Variants in GLCCI1 observed in about 807,000 individuals in gnomAD.
The protein encoded by GLCCI1 is glucocorticoid-induced transcript 1 protein.
Under a neutral mutation model 52.2 loss-of-function variants are expected in GLCCI1, and 24 were observed. The ratio of observed to expected loss-of-function variants is 0.46; its 90% confidence interval spans 0.33 to 0.65. The LOEUF is 0.65. Among genes scored for constraint, GLCCI1 ranks in the 30% least tolerant of loss-of-function variants. GLCCI1 has a pLI of 0.02. For missense variants in GLCCI1, 704 were observed against 701.5 expected (o/e 1.00, Z -0.04); for synonymous variants, 310 against 276.5 (o/e 1.12, Z -1.20).
At chr7:7,980,666 AG>A in intron 1 of GLCCI1, 1 of 810,514 alleles carries the variant, frequency 1.2e-6, no homozygotes, top group Non-Finnish European at 2.1e-6. Context: ...CACAAGAAGA[AG>A]GGCACAATGT....
chr7:8,029,015 C>A (rs1781688545), intron 3 of GLCCI1, among the ~76,000 whole-genome samples: 1 of 152,138 alleles, frequency 6.6e-6, no homozygotes. Flanking sequence ...TGAATTCTAC[C>A]AAACATTTAA....
At chr7:7,988,278 T>TTTTTG (rs565331454) in intron 1 of GLCCI1, among the ~76,000 whole-genome samples, 10 of 151,804 alleles carry the variant, frequency 6.6e-5, no homozygotes, top group South Asian at 2.1e-4. Flanking sequence ...TGAGCAGAGT[T>TTTTTG]TTTTGTTTTG....
chr7:8,022,483 A>G lies in GLCCI1; in HGVS notation c.610A>G (p.Thr204Ala). Reference protein sequence around the residue: ...PSCMKDKATQTPSCWAEEGAE... With the variant: ...PSCMKDKATQAPSCWAEEGAE... ...TTATTTATATATATATTTTTTAAAG[A>G]CACCTAGCTGTTGGGCAGAAGAGGG... Residue 204 changes from threonine to alanine, a missense_variant and splice_region_variant, in exon 3 of 8, where the codon ACA (threonine) becomes GCA (alanine). Thr to Ala is a moderately conservative substitution (Grantham distance 58, BLOSUM62 0). This residue lies in a region of GLCCI1 where 547 missense variants were observed against 524.8 expected (regional missense o/e 1.04). Transcript: ENST00000223145. 6.6e-7 allele frequency: 1 copy of G among 1,525,544 alleles called. No homozygotes were observed. Among genetic ancestry groups the G allele is most frequent in the Non-Finnish European group, 8.8e-7 (1 of 1,132,370 alleles). The allele number at this position is 1,525,544 out of a possible 1,614,324, so 94.5% of individuals were successfully genotyped here.
At chr7:7,996,752 C>T (rs935570465) in intron 1 of GLCCI1, among the ~76,000 whole-genome samples, 1 of 152,166 alleles carries the variant, frequency 6.6e-6, no homozygotes, top group Admixed American at 6.5e-5. Flanking sequence ...GTTTGTTTCT[C>T]TTGTCAGCTT....
At chr7:8,019,244 A>G (rs1288700207) in intron 2 of GLCCI1, among the ~76,000 whole-genome samples, 1 of 152,224 alleles carries the variant, frequency 6.6e-6, no homozygotes, top group Admixed American at 6.5e-5. Flanking sequence ...CGGTAGCCAC[A>G]TGTGGTTATT....
At chr7:8,014,889 A>G (rs1781344924) in intron 2 of GLCCI1, among the ~76,000 whole-genome samples, 1 of 152,282 alleles carries the variant, frequency 6.6e-6, no homozygotes, top group African/African-American at 2.4e-5. Flanking sequence ...TATATTTGGT[A>G]TTTTATTGTT....
At chr7:7,975,193 T>C (rs1347234733) in intron 1 of GLCCI1, among the ~76,000 whole-genome samples, 1 of 152,216 alleles carries the variant, frequency 6.6e-6, no homozygotes, top group Non-Finnish European at 1.5e-5. Flanking sequence ...AGACAAATTA[T>C]AATGGATTAG....
chr7:8,007,334 A>G (rs1781173125), intron 2 of GLCCI1, among the ~76,000 whole-genome samples: 1 of 152,226 alleles, frequency 6.6e-6, no homozygotes, highest in East Asian at 1.9e-4. Context: ...TGTAATATGT[A>G]CTACGTACGT....
rs1327118295 is a variant in GLCCI1 at position 8,009,819 on chromosome 7, C to T, written c.609+5760C>T. Reference sequence around the variant, plus strand: ...ACCCTTTTAAACAAATTTTTGTAGGCCTTTCAGAGCATAGTATGTTATTTT... The same window carrying T: ...ACCCTTTTAAACAAATTTTTGTAGGTCTTTCAGAGCATAGTATGTTATTTT... On this transcript the variant is annotated intron_variant, in intron 2 of 7. Transcript: ENST00000223145. Among the ~76,000 whole-genome samples the T allele has an allele frequency of 2.0e-5, 3 of 151,780 alleles. No individual in the cohort carries two copies. In the East Asian group the frequency reaches 5.8e-4, roughly 29 times the overall value.
Position 8,084,971 on chromosome 7 carries a change from G to A in GLCCI1, c.1252G>A (p.Glu418Lys). 6.2e-7 allele frequency: 1 copy of A among 1,614,132 alleles called. No individual in the cohort carries two copies. The highest frequency in any genetic ancestry group is 8.5e-7 in the Non-Finnish European group (1 of 1,180,006). ...AAACAACAGCTACATGTTCAAACGG[G>A]AGCCCCCAGAGGGATGTGAGCGAGT... ...KPNNSYMFKR[E>K]PPEGCERVKV... is the part of the protein sequence containing the mutation. The change falls in exon 7 of 8, where the codon GAG (glutamate) becomes AAG (lysine). Residue 418 changes from glutamate to lysine, a missense_variant. By Grantham distance (56) the Glu-to-Lys change is moderately conservative (BLOSUM62 1). Transcript: ENST00000223145.
intron 7 of GLCCI1, among the ~76,000 whole-genome samples, chr7:8,085,591 G>A (rs1435913648): frequency 6.6e-6 from 1 of 152,162 alleles, no homozygotes; most frequent in East Asian, 1.9e-4. Flanking sequence ...CAGTGCAGGT[G>A]CCTAGTGGAG....
At chr7:8,019,883 A>G (rs7784884) in intron 2 of GLCCI1, among the ~76,000 whole-genome samples, 5,300 of 152,300 alleles carry the variant, frequency 0.035, 287 homozygotes, top group African/African-American at 0.11. Flanking sequence ...ACCTGCTCCA[A>G]TTGGGTCAGT....
chr7:8,086,813 G>C lies in GLCCI1; in HGVS notation c.*275G>C, dbSNP rs1436480352. On this transcript the variant is annotated 3_prime_UTR_variant, in exon 8 of 8. Transcript: ENST00000223145. This position sits in a 1 kb window ranked among gnomAD's most constrained non-coding sequence, Gnocchi z 4.4. ...ATTTGACAGATTAGTACTGTGTCCT[G>C]TGTTTTGTTCCAGATTCTTCAGTAT... 9.0e-6 allele frequency: 3 copies of C among 333,988 alleles called. No homozygotes were observed. The highest frequency in any genetic ancestry group is 4.2e-5 in the African/African-American group (2 of 47,424). The allele number at this position is 333,988 out of a possible 1,614,324, so 20.7% of individuals were successfully genotyped here.
Position 7,969,173 on chromosome 7 carries a change from A to C in GLCCI1, c.-178A>C. 1 of 506,716 alleles carries C rather than the reference A, an allele frequency of 2.0e-6. No individual in the cohort carries two copies. The highest frequency in any genetic ancestry group is 2.7e-6 in the Non-Finnish European group (1 of 369,822). The allele number at this position is 506,716 out of a possible 1,614,324, so 31.4% of individuals were successfully genotyped here. On this transcript the variant is annotated 5_prime_UTR_variant, in exon 1 of 8. Coordinates refer to ENST00000223145, the MANE Select transcript of GLCCI1 (RefSeq NM_138426.4). The surrounding 1 kb of genome is among the most constrained non-coding windows in gnomAD (Gnocchi z 4.9). ...GCAGCCTTCCCCTCCCCCCTCGCCG[A>C]GGCGGCGGGGGTGTGCGTTGGGGAG... is the stretch of plus-strand genomic sequence containing the variant.
chr7:7,969,839 C>T lies in GLCCI1; in HGVS notation c.457+32C>T, dbSNP rs752800143. On this transcript the variant is annotated intron_variant, in intron 1 of 7. Coordinates refer to ENST00000223145, the MANE Select transcript of GLCCI1 (RefSeq NM_138426.4). This position sits in a 1 kb window ranked among gnomAD's most constrained non-coding sequence, Gnocchi z 4.9. The stretch of plus-strand genomic sequence containing the variant: ...AGCCCAACCCTCCCGTCCTCCCGGG[C>T]TGCGTCTCCCCGACGGTGCCCTCCG... 58 of 1,388,462 alleles carry T rather than the reference C, an allele frequency of 4.2e-5. No homozygotes were observed. In the African/African-American group the frequency reaches 8.5e-4, roughly 20 times the overall value. 86.0% of individuals were successfully genotyped at this position (1,388,462 alleles called of 1,614,324 possible).
chr7:8,040,525 AACACACACACAC>A (rs58561376), intron 3 of GLCCI1, among the ~76,000 whole-genome samples: 5 of 145,208 alleles, frequency 3.4e-5, no homozygotes, highest in Non-Finnish European at 7.5e-5. Context: ...AGATATAATT[AACACACACACAC>A]ACACACACAC....
chr7:8,013,992 T>TG (rs34069088), intron 2 of GLCCI1, among the ~76,000 whole-genome samples: 3 of 21,966 alleles, frequency 1.4e-4, no homozygotes, highest in African/African-American at 8.5e-4. Flanking sequence ...AGGCCTTGAC[T>TG]TTTTTTTTTT....
intron 3 of GLCCI1, among the ~76,000 whole-genome samples, chr7:8,028,829 A>T (rs1210212628): frequency 1.3e-5 from 2 of 152,200 alleles, no homozygotes; most frequent in Non-Finnish European, 2.9e-5. Flanking sequence ...GAACAACTAT[A>T]TGCCAATAAA....
At chr7:7,971,276 A>G (rs1029747030) in intron 1 of GLCCI1, among the ~76,000 whole-genome samples, 3 of 152,248 alleles carry the variant, frequency 2.0e-5, no homozygotes, top group African/African-American at 4.8e-5. Flanking sequence ...GATCGCCCTA[A>G]TAATGACCAC....
Sources: gnomAD v4.1 joint callset for allele counts (sites outside exome capture counted in the v4.1 genomes callset) on GRCh38, gnomAD v4.1.1 for gene constraint, gnomAD v4.1.1 regional missense constraint, Gnocchi (gnomAD v3.1) non-coding constraint, MANE v1.5 for transcripts, NCBI Gene and HGNC (gene_info 2026-07-23, HGNC 2026-07-21) for gene names.